The following GABRG3 variants were observed in gnomAD, a reference collection of about 807,000 sequenced individuals.
GABRG3 encodes gamma-aminobutyric acid receptor subunit gamma-3.
GABRG3 carries 25 observed loss-of-function variants against 48.8 expected under a neutral mutation model. The observed-to-expected ratio is 0.51, with a 90% confidence interval of 0.37 to 0.72. The LOEUF (loss-of-function observed/expected upper bound fraction) is 0.72, where lower values mean the gene tolerates loss of function less well. Among genes scored for constraint, GABRG3 ranks in the 30% least tolerant of loss-of-function variants. The pLI, the probability that GABRG3 is intolerant of heterozygous loss-of-function variation, is 0.00. For synonymous variants in GABRG3, 227 were observed against 217.6 expected (o/e 1.04, Z -0.38); for missense variants, 394 against 577.9 (o/e 0.68, Z 3.26).
intron 6 of GABRG3, among the ~76,000 whole-genome samples, chr15:27,492,666 T>C (rs569346115): frequency 8.5e-5 from 13 of 152,246 alleles, no homozygotes; most frequent in Non-Finnish European, 1.6e-4. Context: ...GCAGATTTGC[T>C]TTTATAAAGT....
intron 3 of GABRG3, among the ~76,000 whole-genome samples, chr15:27,113,931 A>G (rs1348505979): frequency 6.6e-6 from 1 of 152,212 alleles, no homozygotes; most frequent in Non-Finnish European, 1.5e-5. Context: ...GAACCAGCTC[A>G]TTATTTTGCA....
At chr15:27,462,935 A>C (rs1238827344) in intron 5 of GABRG3, among the ~76,000 whole-genome samples, 1 of 152,190 alleles carries the variant, frequency 6.6e-6, no homozygotes, top group East Asian at 1.9e-4. Context: ...ATTGGATGTA[A>C]AACACATGGC....
At chr15:27,366,562 C>T (rs9708223) in intron 5 of GABRG3, among the ~76,000 whole-genome samples, 6 of 152,000 alleles carry the variant, frequency 3.9e-5, no homozygotes, top group African/African-American at 1.4e-4. Flanking sequence ...GCTCTCCTCC[C>T]AGCCTCAGCC....
At chr15:27,189,693 C>T (rs188287952) in intron 3 of GABRG3, among the ~76,000 whole-genome samples, 354 of 152,290 alleles carry the variant, frequency 2.3e-3, no homozygotes, top group African/African-American at 8.3e-3. Context: ...ATTTGACTTC[C>T]TCTTTTCCTA....
Position 27,538,006 on chromosome 15 carries a change from A to AT in GABRG3, c.*5131dup, listed in dbSNP as rs1481470405. 2 of 151,862 alleles carry AT rather than the reference A, an allele frequency of 1.3e-5. No homozygotes were observed. The highest frequency in any genetic ancestry group is 6.6e-5 in the Admixed American group (1 of 15,256). 9.4% of individuals were successfully genotyped at this position (151,862 alleles called of 1,614,324 possible). On this transcript the variant is annotated 3_prime_UTR_variant, in exon 10 of 10. Transcript: ENST00000615808. ...AGGCACCCACCACCATGTCTGGCTA[A>AT]TTTTTTATATTTTTAGTAGAGATGG...
intron 3 of GABRG3, among the ~76,000 whole-genome samples, chr15:27,040,638 A>G (rs1161433249): frequency 2.0e-5 from 3 of 152,260 alleles, no homozygotes; most frequent in Non-Finnish European, 4.4e-5. Context: ...ATCCTCTCTC[A>G]TAATACAGCA....
intron 5 of GABRG3, among the ~76,000 whole-genome samples, chr15:27,401,926 G>T (rs765217407): frequency 4.6e-5 from 7 of 150,584 alleles, no homozygotes; most frequent in Non-Finnish European, 7.4e-5. Context: ...GTCTGTGTCT[G>T]CCCTAATGCA....
In GABRG3 at chr15:27,002,836, G is replaced by A. The variant is rs547970476; in HGVS notation, c.203-23918G>A. Among the ~76,000 whole-genome samples, 24 of 151,890 alleles carry A rather than the reference G, an allele frequency of 1.6e-4. 1 individual carries two copies. In the South Asian group the frequency reaches 5.0e-3, roughly 32 times the overall value. On this transcript the variant is annotated intron_variant, in intron 2 of 9. Transcript: ENST00000615808. ...GAGAAATAGCTAGATCTGGTGGTGT[G>A]TGCCTGTGGTCCCAGCTACTTGGGA...
chr15:27,124,511 C>T (rs188389893), intron 3 of GABRG3, among the ~76,000 whole-genome samples: 183 of 152,240 alleles, frequency 1.2e-3, no homozygotes, highest in African/African-American at 4.3e-3. Flanking sequence ...CAGTGTGATC[C>T]GGGGAAATGG....
At chr15:27,460,564 T>A (rs568039828) in intron 5 of GABRG3, among the ~76,000 whole-genome samples, 135 of 152,158 alleles carry the variant, frequency 8.9e-4, no homozygotes, top group Non-Finnish European at 1.7e-3. Flanking sequence ...TGCAAGTCAG[T>A]ACATAATACA....
In GABRG3 at chr15:27,026,823, T is replaced by G. The variant is rs1444790636; in HGVS notation, c.270+2T>G. ...GGTCCTGTGTCATCAATAAACATGG[T>G]AAGAAGCTCCTTTATTTTCTGATCT... On this transcript the variant is annotated splice_donor_variant, in intron 3 of 9. Coordinates refer to ENST00000615808, the MANE Select transcript of GABRG3 (RefSeq NM_033223.5). LOFTEE classifies it high-confidence loss of function. 6.3e-7 allele frequency: 1 copy of G among 1,597,338 alleles called. No individual in the cohort carries two copies. Among genetic ancestry groups the G allele is most frequent in the East Asian group, 2.2e-5 (1 of 44,646 alleles).
intron 3 of GABRG3, among the ~76,000 whole-genome samples, chr15:27,044,225 G>T (rs746229380): frequency 3.3e-5 from 5 of 152,180 alleles, no homozygotes; most frequent in Non-Finnish European, 7.3e-5. Flanking sequence ...AATGTCAGGA[G>T]GGGAGATATT....
At chr15:27,425,647 G>GT (rs981964007) in intron 5 of GABRG3, among the ~76,000 whole-genome samples, 15 of 152,004 alleles carry the variant, frequency 9.9e-5, no homozygotes, top group African/African-American at 3.6e-4. Flanking sequence ...CTCAAACTTT[G>GT]TATTTCATAA....
chr15:27,457,639 C>G lies in GABRG3; in HGVS notation c.575-23011C>G, dbSNP rs574281228. ...TGTACCAGCCCTGCCCTCTCTAGGA[C>G]GGGCTGCCTCCTTGGAGTCTGCAGC... On this transcript the variant is annotated intron_variant, in intron 5 of 9. Transcript: ENST00000615808. This position sits in a 1 kb window ranked among gnomAD's most constrained non-coding sequence, Gnocchi z 4.4. Among the ~76,000 whole-genome samples the G allele has an allele frequency of 6.6e-6, 1 of 152,164 alleles. No individual in the cohort carries two copies. Among genetic ancestry groups the G allele is most frequent in the African/African-American group, 2.4e-5 (1 of 41,438 alleles).
rs191996472 is a variant in GABRG3, at chr15:27,447,995, T to C, written c.575-32655T>C. ...TGCACATGTATCCCAGAACTTAAAG[T>C]ATAATAAGATAAAATACACAAATAA... On this transcript the variant is annotated intron_variant, in intron 5 of 9. Coordinates refer to ENST00000615808, the MANE Select transcript of GABRG3 (RefSeq NM_033223.5). This position sits in a 1 kb window ranked among gnomAD's most constrained non-coding sequence, Gnocchi z 4.0. Among the ~76,000 whole-genome samples, 1 of 152,178 alleles carries C rather than the reference T, an allele frequency of 6.6e-6. No homozygotes were observed. The highest frequency in any genetic ancestry group is 1.9e-4 in the East Asian group (1 of 5,168).
intron 3 of GABRG3, among the ~76,000 whole-genome samples, chr15:27,152,013 T>C (rs866601004): frequency 4.6e-5 from 7 of 152,352 alleles, no homozygotes; most frequent in Admixed American, 2.6e-4. Flanking sequence ...TTTGATGAAG[T>C]CTAACCTGAC....
chr15:27,306,365 A>G (rs916727596), intron 3 of GABRG3, among the ~76,000 whole-genome samples: 3 of 43,086 alleles, frequency 7.0e-5, no homozygotes, highest in African/African-American at 1.5e-4. Flanking sequence ...ATATAAACAT[A>G]TATATAATAT....
chr15:27,193,734 C>T (rs572300563), intron 3 of GABRG3, among the ~76,000 whole-genome samples: 16 of 152,312 alleles, frequency 1.1e-4, no homozygotes, highest in Middle Eastern at 3.4e-3. Flanking sequence ...CACTGACCTG[C>T]GCCCACTGTC....
intron 2 of GABRG3, among the ~76,000 whole-genome samples, chr15:26,981,753 GCTT>G (rs2140638710): frequency 1.3e-5 from 2 of 152,288 alleles, no homozygotes; most frequent in South Asian, 2.1e-4. Context: ...ACCGTGGCTT[GCTT>G]CTTCTCCTTC....
Sources: allele counts gnomAD v4.1 joint callset (sites outside exome capture counted in the v4.1 genomes callset), GRCh38; gene constraint gnomAD v4.1.1; non-coding constraint Gnocchi (gnomAD v3.1); transcripts MANE v1.5; gene names NCBI Gene and HGNC (gene_info 2026-07-23, HGNC 2026-07-21).